RUNX3: variants seen among roughly 807,000 people sequenced by gnomAD.
RUNX3 encodes the protein RUNX family transcription factor 3.
In RUNX3, 10 loss-of-function variants were observed where a neutral mutation model predicts 27.7. That is an observed-to-expected ratio of 0.36 (90% CI 0.22 to 0.61). The LOEUF (loss-of-function observed/expected upper bound fraction) is 0.61. Ranked by LOEUF, RUNX3 falls within the 20% of genes least tolerant of loss-of-function variation. RUNX3 has a pLI of 0.72. For synonymous variants in RUNX3, 270 were observed against 269.2 expected (o/e 1.00, Z -0.03); for missense variants, 469 against 629.5 (o/e 0.75, Z 2.73).
rs140486163 is a variant in RUNX3 at position 24,960,294 on chromosome 1, C to T, written c.58+4220G>A. 1.4e-4 allele frequency among the ~76,000 whole-genome samples: 22 copies of T among 152,346 alleles called. No individual in the cohort carries two copies. The East Asian group carries it at 4.2e-3, about 29-fold the overall frequency. On this transcript the variant is annotated intron_variant, in intron 2 of 6. Transcript: ENST00000338888. Reference sequence around the variant, plus strand: ...ACTACTCTGTGCCAGGCATCATGCTCCTTTAATTCTCTCCATAGCTCTGCA... The same window carrying T: ...ACTACTCTGTGCCAGGCATCATGCTTCTTTAATTCTCTCCATAGCTCTGCA...
intron 2 of RUNX3, among the ~76,000 whole-genome samples, chr1:24,926,225 T>A (rs775720131): frequency 2.6e-5 from 4 of 152,232 alleles, no homozygotes; most frequent in Admixed American, 6.5e-5. Flanking sequence ...CCAGTGACTG[T>A]CCTCTCAGGG....
At chr1:24,907,176 C>CT in intron 4 of RUNX3, 83 bp downstream of exon 4, 1 of 1,427,294 alleles carries the variant, frequency 7.0e-7, no homozygotes, top group Non-Finnish European at 9.5e-7. Context: ...TTCGGACAGG[C>CT]TTTTGGTCTG....
chr1:24,919,423 C>T (rs752279134), intron 2 of RUNX3, 79 bp from the exon 3 acceptor site: 1 of 876,166 alleles, frequency 1.1e-6, no homozygotes, highest in South Asian at 1.4e-5. Flanking sequence ...CTGTATCTAC[C>T]CCTGGAAGCC....
Position 24,902,170 on chromosome 1 carries a change from G to A in RUNX3, c.1200C>T (p.Ala400=). 6.4e-7 allele frequency: 1 copy of A among 1,571,546 alleles called. No individual in the cohort carries two copies. ...ADGSHSNSPT[A]LSTPGRMDEA... The stretch of plus-strand genomic sequence containing the variant: ...CATCCATGCGGCCTGGCGTGCTCAG[G>A]GCCGTGGGTGAGTTGCTGTGGCTGC... Residue 400 remains alanine (A), a synonymous_variant, in exon 5 of 5, where the codon GCC becomes GCT. Transcript: ENST00000308873. The surrounding 1 kb of genome is among the most constrained non-coding windows in gnomAD (Gnocchi z 9.2).
At chr1:24,959,753 T>A (rs1457010218) in intron 2 of RUNX3, among the ~76,000 whole-genome samples, 3 of 152,046 alleles carry the variant, frequency 2.0e-5, no homozygotes, top group Non-Finnish European at 4.4e-5. Flanking sequence ...GGCCATTTTG[T>A]CCACCCCCTG....
Position 24,902,390 on chromosome 1 carries a change from G to C in RUNX3, c.980C>G (p.Pro327Arg). The C allele has an allele frequency of 1.2e-6, 2 of 1,612,694 alleles. No individual in the cohort carries two copies. Among genetic ancestry groups the C allele is most frequent in the Non-Finnish European group, 1.7e-6 (2 of 1,179,856 alleles). ...CCCGTAGTAGAGGTGGTAGGGGGAC[G>C]GGTTGGCCTGGAAGGGCCCGCTCTG... ...QNQSGPFQAN[P>R]SPYHLYYGTS... Residue 327 changes from proline (P) to arginine (R), a missense_variant, in exon 5 of 5, where the codon CCG (proline) becomes CGG (arginine). Physicochemically the swap from Pro to Arg is moderately radical, Grantham distance 103. This residue lies in a region of RUNX3 where 279 missense variants were observed against 343.0 expected (regional missense o/e 0.81). Transcript: ENST00000308873. The surrounding 1 kb of genome is among the most constrained non-coding windows in gnomAD (Gnocchi z 9.2).
intron 2 of RUNX3, among the ~76,000 whole-genome samples, chr1:24,946,273 TA>T (rs1476552263): frequency 2.0e-5 from 3 of 152,170 alleles, no homozygotes; most frequent in African/African-American, 7.2e-5. Flanking sequence ...AGAAGAAAAT[TA>T]AAACCATCCA....
In RUNX3 at chr1:24,927,370, T is replaced by A. The variant is rs142477641; in HGVS notation, c.439+204A>T. Among the ~76,000 whole-genome samples the A allele has an allele frequency of 1.3e-5, 2 of 152,080 alleles. No homozygotes were observed. Among genetic ancestry groups the A allele is most frequent in the African/African-American group, 4.8e-5 (2 of 41,390 alleles). ...TAAACCCTAGAAACTGGGAGAAAATTGTCTTTTTCTGGCAAGAGACCATAA... is the reference window on the plus strand; with the variant it reads ...TAAACCCTAGAAACTGGGAGAAAATAGTCTTTTTCTGGCAAGAGACCATAA... On this transcript the variant is annotated intron_variant, in intron 2 of 4. Coordinates refer to ENST00000308873, the MANE Select transcript of RUNX3 (RefSeq NM_004350.3). This position sits in a 1 kb window ranked among gnomAD's most constrained non-coding sequence, Gnocchi z 5.0.
At chr1:24,919,398 AC>A in intron 2 of RUNX3, 54 bp from the exon 3 acceptor site, 1 of 1,179,520 alleles carries the variant, frequency 8.5e-7, no homozygotes, top group Non-Finnish European at 1.3e-6. Flanking sequence ...CTTCCACAAT[AC>A]CCTGCTCTCC....
chr1:24,928,840 A>C, intron 1 of RUNX3: 2 of 348,988 alleles, frequency 5.7e-6, no homozygotes, highest in South Asian at 2.1e-5. Context: ...CACCACCCCC[A>C]GCCGCCGGCC....
At chr1:24,947,125 G>A (rs1641628258) in intron 2 of RUNX3, among the ~76,000 whole-genome samples, 1 of 152,150 alleles carries the variant, frequency 6.6e-6, no homozygotes, top group Non-Finnish European at 1.5e-5. Flanking sequence ...GCTAGGGATG[G>A]CTGTCTCCCA....
intron 3 of RUNX3, among the ~76,000 whole-genome samples, chr1:24,910,480 A>C (rs1640776122): frequency 6.6e-6 from 1 of 152,130 alleles, no homozygotes; most frequent in African/African-American, 2.4e-5. Context: ...GGACTCGAAA[A>C]GTGGGAAAAG....
rs188289982 is a variant in RUNX3 at position 24,964,422 on chromosome 1, C to A, written c.58+92G>T. 2.9e-6 allele frequency: 3 copies of A among 1,018,084 alleles called. No homozygotes were observed. In the East Asian group the frequency reaches 7.8e-5, roughly 26 times the overall value. 63.1% of individuals were successfully genotyped at this position (1,018,084 alleles called of 1,614,324 possible). A position where few individuals can be genotyped will look rare whatever the true frequency, so the allele number is the denominator to read the frequency against. ...AGCGGATTTAGGCGGACAGGCTGTGCGCTTGAGGGCAGCCAGGGCGGTCAG... is the reference window on the plus strand; with the variant it reads ...AGCGGATTTAGGCGGACAGGCTGTGAGCTTGAGGGCAGCCAGGGCGGTCAG... On this transcript the variant is annotated intron_variant, in intron 2 of 6. Coordinates refer to the RUNX3 transcript ENST00000338888.
chr1:24,937,359 A>G lies in RUNX3; in HGVS notation c.59-7507T>C, dbSNP rs550449171. On this transcript the variant is annotated intron_variant, in intron 2 of 6. Transcript: ENST00000338888. ...TTTCATTTTGTACTGGGCCCCCCAAATTATATAGCCAGTCCTGACCACAAA... is the reference window on the plus strand; with the variant it reads ...TTTCATTTTGTACTGGGCCCCCCAAGTTATATAGCCAGTCCTGACCACAAA... Among the ~76,000 whole-genome samples the G allele has an allele frequency of 5.3e-5, 8 of 152,322 alleles. No homozygotes were observed. In the South Asian group the frequency reaches 1.7e-3, roughly 32 times the overall value.
Position 24,902,485 on chromosome 1 carries a change from C to A in RUNX3, c.885G>T (p.Ala295=), listed in dbSNP as rs144324624. 2.8e-4 allele frequency: 442 copies of A among 1,600,302 alleles called. No individual in the cohort carries two copies. The African/African-American group carries it at 5.5e-3, about 20-fold the overall frequency. ...SGTSISSLSV[A]GMPATSRFHH... ...GGAAGCGGCTGGTGGCCGGCATGCC[C>A]GCCACGCTGAGGCTGCTGATGCTCG... The change falls in exon 5 of 5, where the codon GCG becomes GCT. Residue 295 remains alanine (A), a synonymous_variant. Coordinates refer to ENST00000308873, the MANE Select transcript of RUNX3 (RefSeq NM_004350.3). This position sits in a 1 kb window ranked among gnomAD's most constrained non-coding sequence, Gnocchi z 9.2.
At chr1:24,936,970 C>T (rs556977593) in intron 2 of RUNX3, among the ~76,000 whole-genome samples, 5 of 152,306 alleles carry the variant, frequency 3.3e-5, no homozygotes, top group East Asian at 1.9e-4. Context: ...CAGCCCTTTG[C>T]GGAAATAAAT....
intron 2 of RUNX3, among the ~76,000 whole-genome samples, chr1:24,920,505 T>C (rs2124285961): frequency 6.6e-6 from 1 of 152,368 alleles, no homozygotes; most frequent in East Asian, 1.9e-4. Flanking sequence ...CCTTTTTTTC[T>C]ATTACTAGTG....
chr1:24,919,915 C>T (rs576473848), intron 2 of RUNX3, among the ~76,000 whole-genome samples: 1 of 152,040 alleles, frequency 6.6e-6, no homozygotes, highest in East Asian at 1.9e-4. Context: ...ACATCAGAAG[C>T]ACTTTCCCAC....
intron 2 of RUNX3, among the ~76,000 whole-genome samples, chr1:24,958,356 G>C (rs558489763): frequency 4.1e-4 from 63 of 152,306 alleles, no homozygotes; most frequent in African/African-American, 9.6e-4. Context: ...TTGGACCCCA[G>C]GGAGGCAAGG....
Sources: allele counts gnomAD v4.1 joint callset (sites outside exome capture counted in the v4.1 genomes callset), GRCh38; gene constraint gnomAD v4.1.1; regional missense constraint gnomAD v4.1.1; non-coding constraint Gnocchi (gnomAD v3.1); transcripts MANE v1.5; gene names NCBI Gene and HGNC (gene_info 2026-07-23, HGNC 2026-07-21).